KANK1: variants seen among roughly 807,000 people sequenced by gnomAD.
KANK1 encodes KN motif and ankyrin repeat domains 1.
KANK1 carries 109 observed loss-of-function variants against 106.2 expected under a neutral mutation model. The ratio of observed to expected loss-of-function variants is 1.03; its 90% CI spans 0.88 to 1.20. The LOEUF (loss-of-function observed/expected upper bound fraction) is 1.20, where lower values mean the gene tolerates loss of function less well. Ranked by LOEUF, KANK1 falls within the 50% of genes most tolerant of loss-of-function variation. The pLI is 0.00. For missense variants in KANK1, 2,399 were observed against 1,710.7 expected (o/e 1.40, Z -7.10); for synonymous variants, 873 against 652.2 (o/e 1.34, Z -5.16).
chr9:591,663 GC>G (rs1365523489), intron 1 of KANK1, among the ~76,000 whole-genome samples: 1 of 151,734 alleles, frequency 6.6e-6, no homozygotes, highest in Non-Finnish European at 1.5e-5. Flanking sequence ...TTGTCAATAT[GC>G]AATTATTTAT....
chr9:499,472 A>AT (rs2058512994), intron 3 of KANK1, among the ~76,000 whole-genome samples: 1 of 152,198 alleles, frequency 6.6e-6, no homozygotes, highest in Non-Finnish European at 1.5e-5. Flanking sequence ...CCTGGGCCCA[A>AT]TTCCTGCTGC....
intron 1 of KANK1, among the ~76,000 whole-genome samples, chr9:576,672 A>G (rs1820642515): frequency 6.6e-6 from 1 of 152,058 alleles, no homozygotes; most frequent in African/African-American, 2.4e-5. Context: ...TGTGTTGGAG[A>G]TACAGAAAGC....
intron 3 of KANK1, among the ~76,000 whole-genome samples, chr9:723,316 G>A (rs947621327): frequency 6.6e-6 from 1 of 152,166 alleles, no homozygotes; most frequent in African/African-American, 2.4e-5. Context: ...AAAAATTATA[G>A]CACCTGGTAT....
intron 1 of KANK1, among the ~76,000 whole-genome samples, chr9:525,975 G>T (rs1210599345): frequency 6.6e-6 from 1 of 151,752 alleles, no homozygotes; most frequent in Non-Finnish European, 1.5e-5. Context: ...GTTACCTGAA[G>T]CCATTGACAA....
intron 1 of KANK1, among the ~76,000 whole-genome samples, chr9:639,576 C>T (rs1309844428): frequency 6.6e-6 from 1 of 152,074 alleles, no homozygotes; most frequent in Non-Finnish European, 1.5e-5. Flanking sequence ...CTCGGCCTCC[C>T]AAAGTTCTGG....
At chr9:557,763 C>G (rs1327939117) in intron 1 of KANK1, among the ~76,000 whole-genome samples, 1 of 152,168 alleles carries the variant, frequency 6.6e-6, no homozygotes, top group Admixed American at 6.5e-5. Flanking sequence ...GGTGTGGTGG[C>G]TGACACCTGT....
At chr9:648,805 A>T (rs1353202015) in intron 1 of KANK1, among the ~76,000 whole-genome samples, 1 of 152,210 alleles carries the variant, frequency 6.6e-6, no homozygotes, top group African/African-American at 2.4e-5. Context: ...AGCTGCGGAC[A>T]TGTCAGTTGT....
intron 1 of KANK1, among the ~76,000 whole-genome samples, chr9:645,541 A>G (rs1839486083): frequency 6.6e-6 from 1 of 150,552 alleles, no homozygotes; most frequent in Non-Finnish European, 1.5e-5. Context: ...AAATTATTTA[A>G]TGTATAAAAT....
At chr9:707,161 G>C (rs956643102) in intron 2 of KANK1, 29 of 985,384 alleles carry the variant, frequency 2.9e-5, no homozygotes, top group Admixed American at 1.8e-4. Flanking sequence ...GGTGAGGATC[G>C]AGGGCGCCCG....
chr9:507,210 G>A (rs1208171580), intron 1 of KANK1, among the ~76,000 whole-genome samples: 1 of 150,678 alleles, frequency 6.6e-6, no homozygotes, highest in Non-Finnish European at 1.5e-5. Flanking sequence ...AAAAATAACC[G>A]GATATGGTGG....
intron 2 of KANK1, among the ~76,000 whole-genome samples, chr9:679,977 A>G (rs1381763872): frequency 6.6e-6 from 1 of 152,230 alleles, no homozygotes; most frequent in Non-Finnish European, 1.5e-5. Flanking sequence ...GTGCATGTAA[A>G]TAACATTTAG....
intron 1 of KANK1, among the ~76,000 whole-genome samples, chr9:664,187 A>G (rs1175456821): frequency 2.6e-5 from 4 of 152,076 alleles, no homozygotes; most frequent in African/African-American, 4.8e-5. Context: ...TTCTAAGTGT[A>G]TTTGTACCCA....
At chr9:575,218 C>A (rs751928792) in intron 1 of KANK1, among the ~76,000 whole-genome samples, 6 of 152,200 alleles carry the variant, frequency 3.9e-5, no homozygotes, top group Non-Finnish European at 7.3e-5. Flanking sequence ...TAGTAATAAC[C>A]TTCAGTGAGA....
intron 6 of KANK1, chr9:732,841 C>A: frequency 2.5e-6 from 1 of 406,502 alleles, no homozygotes; most frequent in Non-Finnish European, 4.4e-6. Flanking sequence ...TTTCTGAAAC[C>A]TTAACTCTGC....
At chr9:528,626 T>C (rs534580983) in intron 1 of KANK1, among the ~76,000 whole-genome samples, 1 of 152,012 alleles carries the variant, frequency 6.6e-6, no homozygotes, top group African/African-American at 2.4e-5. Flanking sequence ...GTAGCTGCGT[T>C]ACAGGTGCCC....
chr9:738,261 A>G (rs1327457840), intron 7 of KANK1, 24 bp from the exon 8 acceptor site: 2 of 1,592,334 alleles, frequency 1.3e-6, no homozygotes, highest in African/African-American at 1.3e-5. Flanking sequence ...TAGAAGAACT[A>G]ACGACCACTT....
Position 664,425 on chromosome 9 carries a change from A to T in KANK1, c.-83-12465A>T, listed in dbSNP as rs182857044. ...TTAATTCTTTTTATGGCTGGATAAT[A>T]TTCTATTGTGTATTTTTACCACACT... On this transcript the variant is annotated intron_variant, in intron 1 of 11. Coordinates refer to ENST00000382297, the MANE Select transcript of KANK1 (RefSeq NM_015158.5). 1.5e-3 allele frequency among the ~76,000 whole-genome samples: 229 copies of T among 152,140 alleles called. 2 individuals carry two copies. Among genetic ancestry groups the T allele is most frequent in the Admixed American group, 0.015 (224 of 15,278 alleles).
intron 1 of KANK1, among the ~76,000 whole-genome samples, chr9:667,227 C>A (rs1844840529): frequency 6.6e-6 from 1 of 151,820 alleles, no homozygotes; most frequent in Non-Finnish European, 1.5e-5. Context: ...AATTTGTTGG[C>A]AATTGTCTCT....
intron 1 of KANK1, among the ~76,000 whole-genome samples, chr9:580,092 G>C (rs1236814937): frequency 6.6e-6 from 1 of 152,154 alleles, no homozygotes; most frequent in South Asian, 2.1e-4. Flanking sequence ...GTTCGTACGT[G>C]TTCAGAGTTT....
Sources: allele counts gnomAD v4.1 joint callset (sites outside exome capture counted in the v4.1 genomes callset), GRCh38; gene constraint gnomAD v4.1.1; transcripts MANE v1.5; gene names NCBI Gene and HGNC (gene_info 2026-07-23, HGNC 2026-07-21).